The following SLC39A11 variants were observed in gnomAD, a reference collection of about 807,000 sequenced individuals.
The protein encoded by SLC39A11 is zinc transporter ZIP11.
SLC39A11 carries 33 observed loss-of-function variants against 36.1 expected under a neutral mutation model. The ratio of observed to expected loss-of-function variants is 0.91; its 90% CI spans 0.69 to 1.22. The LOEUF is 1.22. SLC39A11 is among the 50% of genes most tolerant of loss of function. The probability of loss-of-function intolerance (pLI) is 0.00; values close to 1 mark genes in which losing one functional copy is unlikely to be tolerated. For synonymous variants in SLC39A11, 166 were observed against 170.3 expected (o/e 0.97, Z 0.20); for missense variants, 432 against 430.3 (o/e 1.00, Z -0.03).
At chr17:72,692,118 C>T (rs1240761478) in intron 7 of SLC39A11, among the ~76,000 whole-genome samples, 1 of 151,632 alleles carries the variant, frequency 6.6e-6, no homozygotes, top group African/African-American at 2.4e-5. Flanking sequence ...TCATGCCATT[C>T]TTCTGCCTCA....
At chr17:72,865,423 A>C (rs2080254058) in intron 5 of SLC39A11, among the ~76,000 whole-genome samples, 1 of 151,898 alleles carries the variant, frequency 6.6e-6, no homozygotes, top group Non-Finnish European at 1.5e-5. Flanking sequence ...AAAAAAAAAA[A>C]AAAACAACTT....
rs544722236 is a variant in SLC39A11 at position 72,870,702 on chromosome 17, G to A, written c.431-20898C>T. The stretch of plus-strand genomic sequence containing the variant: ...AGTAGCTCCAAGATAATGTTGCTAC[G>A]GATTTGCCTCAAGCATCCTTTTGCA... On this transcript the variant is annotated intron_variant, in intron 5 of 9. Coordinates refer to ENST00000255559, the MANE Select transcript of SLC39A11 (RefSeq NM_139177.4). Among the ~76,000 whole-genome samples, 58 of 152,320 alleles carry A rather than the reference G, an allele frequency of 3.8e-4. 1 individual carries two copies. The highest frequency in any genetic ancestry group is 2.1e-3 in the South Asian group (10 of 4,830).
intron 5 of SLC39A11, among the ~76,000 whole-genome samples, chr17:72,946,103 GA>G (rs1012139781): frequency 6.6e-6 from 1 of 152,166 alleles, no homozygotes; most frequent in African/African-American, 2.4e-5. Flanking sequence ...AACTCAGCAT[GA>G]AAAATGACAA....
intron 6 of SLC39A11, among the ~76,000 whole-genome samples, chr17:72,774,492 A>G (rs534124449): frequency 1.3e-5 from 2 of 152,314 alleles, no homozygotes; most frequent in South Asian, 4.1e-4. Context: ...CCAGAGCAGC[A>G]TGTAATTAAA....
Position 72,861,691 on chromosome 17 carries a change from A to AAT in SLC39A11, c.431-11889_431-11888dup, listed in dbSNP as rs1429991072. Among the ~76,000 whole-genome samples, 743 of 108,890 alleles carry AAT rather than the reference A, an allele frequency of 6.8e-3. 21 individuals carry two copies. The highest frequency in any genetic ancestry group is 0.024 in the African/African-American group (658 of 27,702). 71.4% of individuals were successfully genotyped at this position (108,890 alleles called of 152,430 possible). On this transcript the variant is annotated intron_variant, in intron 5 of 9. Transcript: ENST00000255559. Reference sequence around the variant, plus strand: ...TATATATATATATATATATATATAAAATATATATATTGGATATATATAGGA... The same window carrying AAT: ...TATATATATATATATATATATATAAAATATATATATATTGGATATATATAGGA...
At chr17:72,666,330 C>A (rs1469599037) in intron 7 of SLC39A11, among the ~76,000 whole-genome samples, 3 of 152,150 alleles carry the variant, frequency 2.0e-5, no homozygotes. Flanking sequence ...ACAGCATAAA[C>A]CGACCACTCC....
At chr17:72,797,058 T>C (rs967441053) in intron 6 of SLC39A11, among the ~76,000 whole-genome samples, 4 of 152,140 alleles carry the variant, frequency 2.6e-5, no homozygotes, top group African/African-American at 9.7e-5. Flanking sequence ...TGCAACAGTG[T>C]TGTAGCTTGA....
chr17:72,978,823 T>C (rs899992862), intron 4 of SLC39A11, among the ~76,000 whole-genome samples: 1 of 152,100 alleles, frequency 6.6e-6, no homozygotes, highest in African/African-American at 2.4e-5. Flanking sequence ...CAACAAATCA[T>C]CTCTGTTATC....
intron 6 of SLC39A11, among the ~76,000 whole-genome samples, chr17:72,749,931 T>C (rs2075088059): frequency 6.6e-6 from 1 of 152,118 alleles, no homozygotes; most frequent in Non-Finnish European, 1.5e-5. Context: ...ACATCCCTCC[T>C]GGCTGGGAAG....
intron 5 of SLC39A11, among the ~76,000 whole-genome samples, chr17:72,935,392 G>C (rs1483944123): frequency 6.6e-6 from 1 of 152,168 alleles, no homozygotes; most frequent in East Asian, 1.9e-4. Flanking sequence ...GTTGAGGGTA[G>C]GGTTTAACTA....
chr17:72,685,240 C>T (rs1320613968), intron 7 of SLC39A11, among the ~76,000 whole-genome samples: 1 of 100,278 alleles, frequency 1.0e-5, no homozygotes, highest in East Asian at 2.6e-4. Flanking sequence ...TGCTCCGATG[C>T]TACGAAGGAG....
chr17:72,677,687 C>T (rs185651085), intron 7 of SLC39A11, among the ~76,000 whole-genome samples: 9 of 152,238 alleles, frequency 5.9e-5, no homozygotes, highest in East Asian at 1.9e-4. Context: ...GGCCCCTCCC[C>T]GGCAGGCATA....
chr17:72,877,389 T>C (rs2080959522), intron 5 of SLC39A11, among the ~76,000 whole-genome samples: 2 of 152,234 alleles, frequency 1.3e-5, no homozygotes, highest in African/African-American at 4.8e-5. Context: ...TACAGCCCAT[T>C]TTCCTGACTC....
At chr17:72,708,549 T>A (rs375873095) in intron 7 of SLC39A11, among the ~76,000 whole-genome samples, 19 of 152,334 alleles carry the variant, frequency 1.2e-4, no homozygotes, top group African/African-American at 4.6e-4. Flanking sequence ...TGGTACATCA[T>A]GTCATTCTTG....
At chr17:72,871,557 T>A (rs1341737146) in intron 5 of SLC39A11, among the ~76,000 whole-genome samples, 1 of 152,024 alleles carries the variant, frequency 6.6e-6, no homozygotes, top group East Asian at 1.9e-4. Flanking sequence ...CATTGGCCAA[T>A]GATTTAATCC....
intron 6 of SLC39A11, among the ~76,000 whole-genome samples, chr17:72,838,322 G>T: frequency 6.6e-6 from 1 of 151,396 alleles, no homozygotes. Flanking sequence ...TTGACCTCCA[G>T]GGTTCAAGCA....
At chr17:72,654,432 A>G (rs1465926729) in intron 7 of SLC39A11, among the ~76,000 whole-genome samples, 2 of 152,144 alleles carry the variant, frequency 1.3e-5, no homozygotes, top group East Asian at 1.9e-4. Context: ...TACCAATTTC[A>G]TGTGCAAGCT....
chr17:72,706,972 T>A (rs1004027666), intron 7 of SLC39A11, among the ~76,000 whole-genome samples: 3 of 152,250 alleles, frequency 2.0e-5, no homozygotes, highest in African/African-American at 7.2e-5. Context: ...CTATCCAATA[T>A]GGTAGCCATG....
At chr17:72,776,746 T>C (rs1486024153) in intron 6 of SLC39A11, among the ~76,000 whole-genome samples, 1 of 151,900 alleles carries the variant, frequency 6.6e-6, no homozygotes, top group African/African-American at 2.4e-5. Flanking sequence ...GATTTCATCC[T>C]CACAACAGCA....
Sources: allele counts gnomAD v4.1 joint callset (sites outside exome capture counted in the v4.1 genomes callset), GRCh38; gene constraint gnomAD v4.1.1; transcripts MANE v1.5; gene names NCBI Gene and HGNC (gene_info 2026-07-23, HGNC 2026-07-21).